The following KCNK9 variants were observed in gnomAD, a reference collection of about 807,000 sequenced individuals.
KCNK9 encodes potassium channel subfamily K member 9.
A neutral mutation model predicts 10.8 loss-of-function variants in KCNK9; 1 was observed. The observed-to-expected ratio is 0.09, with a 90% CI of 0.03 to 0.44. The LOEUF is 0.44. Ranked by LOEUF, KCNK9 falls within the 20% of genes least tolerant of loss-of-function variation. KCNK9 has a pLI of 0.97. For synonymous variants in KCNK9, 231 were observed against 222.7 expected (o/e 1.04, Z -0.33); for missense variants, 303 against 515.0 (o/e 0.59, Z 3.98).
intron 1 of KCNK9, among the ~76,000 whole-genome samples, chr8:139,622,103 A>T (rs1006843903): frequency 6.6e-6 from 1 of 152,218 alleles, no homozygotes; most frequent in East Asian, 1.9e-4. Context: ...ACAGCATGAA[A>T]GAACTTGATC....
At chr8:139,684,386 G>A (rs1816748221) in intron 1 of KCNK9, among the ~76,000 whole-genome samples, 1 of 152,124 alleles carries the variant, frequency 6.6e-6, no homozygotes, top group Admixed American at 6.5e-5. Flanking sequence ...CAGCCAATAT[G>A]AAGGTCAGTA....
chr8:139,612,958 A>G (rs1386821834), downstream of KCNK9, among the ~76,000 whole-genome samples: 2 of 152,222 alleles, frequency 1.3e-5, no homozygotes, highest in African/African-American at 2.4e-5. Context: ...CTGGAACAAC[A>G]AGACAAGCAA....
At chr8:139,681,984 A>G (rs1816697520) in intron 1 of KCNK9, among the ~76,000 whole-genome samples, 1 of 152,168 alleles carries the variant, frequency 6.6e-6, no homozygotes, top group Non-Finnish European at 1.5e-5. Flanking sequence ...CACCACGGGA[A>G]CCAGACCAGG....
At chr8:139,699,639 G>C (rs1435075633) in intron 1 of KCNK9, among the ~76,000 whole-genome samples, 1 of 152,220 alleles carries the variant, frequency 6.6e-6, no homozygotes, top group Non-Finnish European at 1.5e-5. Flanking sequence ...CCTTTGCGGG[G>C]CCCAGCTGGA....
In KCNK9 at chr8:139,687,442, A is replaced by ATG. The variant is rs1323307958; in HGVS notation, c.283+15266_283+15267dup. Reference sequence around the variant, plus strand: ...TGTGTATACATATATATTCATATATATGTATACACATATATATTCATATAT... The same window carrying ATG: ...TGTGTATACATATATATTCATATATATGTGTATACACATATATATTCATATAT... On this transcript the variant is annotated intron_variant, in intron 1 of 1. Transcript: ENST00000520439. Among the ~76,000 whole-genome samples the ATG allele has an allele frequency of 5.1e-4, 74 of 144,060 alleles. 18 individuals carry two copies. The highest frequency in any genetic ancestry group is 1.5e-3 in the African/African-American group (58 of 39,218). The allele number at this position is 144,060 out of a possible 152,430, so 94.5% of individuals were successfully genotyped here.
At chr8:139,601,358 G>A (rs180899269) in exon 3 of KCNK9, 14 of 152,278 alleles carry the variant, frequency 9.2e-5, no homozygotes, top group South Asian at 2.1e-4. Flanking sequence ...TGAATGAGTC[G>A]GCTCTCAGGT....
chr8:139,639,558 G>A (rs1456165223), intron 1 of KCNK9, among the ~76,000 whole-genome samples: 1 of 152,236 alleles, frequency 6.6e-6, no homozygotes, highest in Non-Finnish European at 1.5e-5. Context: ...CATTTGCCCT[G>A]CAGTAGCCAT....
chr8:139,664,932 A>G (rs1167377764), intron 1 of KCNK9, among the ~76,000 whole-genome samples: 1 of 152,144 alleles, frequency 6.6e-6, no homozygotes, highest in Non-Finnish European at 1.5e-5. Flanking sequence ...CAATAAAAAA[A>G]AAAATCAAAC....
At chr8:139,647,804 C>T (rs1815736432) in intron 1 of KCNK9, among the ~76,000 whole-genome samples, 1 of 152,176 alleles carries the variant, frequency 6.6e-6, no homozygotes, top group African/African-American at 2.4e-5. Flanking sequence ...TCAGGTCTCC[C>T]GTTCCGCCCT....
At chr8:139,638,560 C>T (rs779444493) in intron 1 of KCNK9, among the ~76,000 whole-genome samples, 2 of 152,218 alleles carry the variant, frequency 1.3e-5, no homozygotes, top group African/African-American at 2.4e-5. Context: ...GAGGGGCACA[C>T]GGGCTACTGC....
chr8:139,651,724 A>G (rs1004185424), intron 1 of KCNK9, among the ~76,000 whole-genome samples: 1 of 152,184 alleles, frequency 6.6e-6, no homozygotes, highest in Non-Finnish European at 1.5e-5. Context: ...TTTAAAATAA[A>G]TATTTGTTGA....
chr8:139,636,489 T>C (rs1815343956), intron 1 of KCNK9, among the ~76,000 whole-genome samples: 1 of 152,244 alleles, frequency 6.6e-6, no homozygotes, highest in East Asian at 1.9e-4. Flanking sequence ...CCTATGGCCC[T>C]TTCCTTTCAG....
At chr8:139,603,680 C>T (rs1817423302) in intron 2 of KCNK9, among the ~76,000 whole-genome samples, 1 of 152,168 alleles carries the variant, frequency 6.6e-6, no homozygotes, top group Non-Finnish European at 1.5e-5. Flanking sequence ...GGCATCAGAG[C>T]AGGTCTTGTC....
intron 1 of KCNK9, among the ~76,000 whole-genome samples, chr8:139,644,871 G>A (rs190053339): frequency 2.6e-5 from 4 of 152,132 alleles, no homozygotes; most frequent in East Asian, 3.9e-4. Context: ...CCTCCCCCGC[G>A]GAGCTGTCCA....
At chr8:139,699,990 G>A (rs1226666309) in intron 1 of KCNK9, among the ~76,000 whole-genome samples, 2 of 152,134 alleles carry the variant, frequency 1.3e-5, no homozygotes, top group African/African-American at 4.8e-5. Context: ...TAATATCACT[G>A]CCCAATAGGA....
At position 139,602,914 on chromosome 8, in the gene KCNK9, C is replaced by T. The variant is rs762639811; in HGVS notation, c.*1-1313G>A. The stretch of plus-strand genomic sequence containing the variant: ...TCACATTCTTTACATGGTGGCGTAT[C>T]GCTGCCAGTCATGCCCTCTTTGTCA... On this transcript the variant is annotated intron_variant, in intron 2 of 2. Coordinates refer to the KCNK9 transcript ENST00000650269. 1.4e-4 allele frequency among the ~76,000 whole-genome samples: 21 copies of T among 152,282 alleles called. No individual in the cohort carries two copies. The South Asian group carries it at 2.1e-3, about 15-fold the overall frequency.
intron 1 of KCNK9, among the ~76,000 whole-genome samples, chr8:139,681,360 C>T (rs570244553): frequency 6.6e-6 from 1 of 152,194 alleles, no homozygotes; most frequent in East Asian, 1.9e-4. Context: ...TGAAAGACAC[C>T]GGCAGACGGA....
intron 1 of KCNK9, among the ~76,000 whole-genome samples, chr8:139,671,070 A>G (rs1382630546): frequency 1.3e-5 from 2 of 152,108 alleles, no homozygotes; most frequent in Non-Finnish European, 2.9e-5. Flanking sequence ...CCTTCCTGGG[A>G]CCACCTCTAT....
intron 1 of KCNK9, among the ~76,000 whole-genome samples, chr8:139,655,563 C>T (rs1445105449): frequency 2.0e-5 from 3 of 152,182 alleles, no homozygotes; most frequent in Admixed American, 6.5e-5. Context: ...GGAAGCTGAG[C>T]GATACCCAGC....
Sources: gnomAD v4.1 joint callset for allele counts (sites outside exome capture counted in the v4.1 genomes callset) on GRCh38, gnomAD v4.1.1 for gene constraint, MANE v1.5 for transcripts, NCBI Gene and HGNC (gene_info 2026-07-23, HGNC 2026-07-21) for gene names.